The following RASA1 variants were observed in gnomAD, a reference collection of about 807,000 sequenced individuals.
The protein encoded by RASA1 is ras GTPase-activating protein 1.
Under a neutral mutation model 132.2 loss-of-function variants are expected in RASA1, and 25 were observed. The ratio of observed to expected loss-of-function variants is 0.19; its 90% CI spans 0.14 to 0.26. The LOEUF is 0.26. Ranked by LOEUF, RASA1 falls within the 10% of genes least tolerant of loss-of-function variation. The probability of loss-of-function intolerance (pLI) is 1.00; values close to 1 mark genes in which losing one functional copy is unlikely to be tolerated. For synonymous variants in RASA1, 477 were observed against 449.9 expected (o/e 1.06, Z -0.76); for missense variants, 964 against 1,299.2 (o/e 0.74, Z 3.97).
intron 12 of RASA1, 38 bp downstream of exon 12, chr5:87,369,938 T>C (rs199670894): frequency 2.0e-6 from 3 of 1,493,392 alleles, no homozygotes; most frequent in East Asian, 2.3e-5. Flanking sequence ...TATACTTTTA[T>C]GTTAGCCCAT....
chr5:87,322,950 G>A (rs1756937671), intron 1 of RASA1, among the ~76,000 whole-genome samples: 1 of 152,124 alleles, frequency 6.6e-6, no homozygotes, highest in Non-Finnish European at 1.5e-5. Flanking sequence ...GGAGATATTT[G>A]CTAATTTTTT....
chr5:87,377,433 C>T (rs559595300), intron 17 of RASA1, among the ~76,000 whole-genome samples: 6 of 152,232 alleles, frequency 3.9e-5, no homozygotes, highest in African/African-American at 1.2e-4. Context: ...CAGGTTCAAG[C>T]GATTCTCCTG....
chr5:87,353,318 C>A, intron 9 of RASA1, 83 bp downstream of exon 9: 2 of 1,092,930 alleles, frequency 1.8e-6, no homozygotes, highest in Non-Finnish European at 2.8e-6. Flanking sequence ...CACATTTGTA[C>A]AATTCAAATT....
Position 87,326,554 on chromosome 5 carries a change from G to A in RASA1, c.540-4794G>A, listed in dbSNP as rs186520028. ...TCCCCATCTTCCTTAGAGAGGCAAAGAAGAAGAGAGAGGGAGATTTACTTT... is the reference window on the plus strand; with the variant it reads ...TCCCCATCTTCCTTAGAGAGGCAAAAAAGAAGAGAGAGGGAGATTTACTTT... On this transcript the variant is annotated intron_variant, in intron 1 of 24. Coordinates refer to ENST00000274376, the MANE Select transcript of RASA1 (RefSeq NM_002890.3). Among the ~76,000 whole-genome samples the A allele has an allele frequency of 2.6e-4, 39 of 152,272 alleles. No individual in the cohort carries two copies. In the East Asian group the frequency reaches 7.3e-3, roughly 29 times the overall value.
At chr5:87,389,347 A>G (rs540045329) in intron 23 of RASA1, 46 bp from the exon 24 acceptor site, 9 of 1,611,424 alleles carry the variant, frequency 5.6e-6, no homozygotes, top group Non-Finnish European at 7.6e-6. Context: ...AAACAAAAAA[A>G]AAGAAGATTT....
chr5:87,268,987 A>G lies in RASA1; in HGVS notation c.536A>G (p.Asn179Ser). 1 of 1,614,194 alleles carries G rather than the reference A, an allele frequency of 6.2e-7. No homozygotes were observed. The highest frequency in any genetic ancestry group is 8.5e-7 in the Non-Finnish European group (1 of 1,180,034). Residue 179 changes from asparagine (N) to serine (S), a missense_variant, in exon 1 of 25, where the codon AAC becomes AGC. By Grantham distance (46) the Asn-to-Ser change is conservative. Coordinates refer to ENST00000274376, the MANE Select transcript of RASA1 (RefSeq NM_002890.3). ...VAIPLTAPPT[N>S]QWYHGKLDRT... ...ATACCGTTGACCGCTCCTCCAACTA[A>G]CCAGTAAGTTAAGACTGCTGTTCAG...
At chr5:87,369,942 A>T (rs767867506) in intron 12 of RASA1, 42 bp downstream of exon 12, 3 of 1,494,234 alleles carry the variant, frequency 2.0e-6, no homozygotes, top group East Asian at 4.5e-5. Flanking sequence ...CTTTTATGTT[A>T]GCCCATGTTT....
At chr5:87,322,439 T>G (rs752877116) in intron 1 of RASA1, among the ~76,000 whole-genome samples, 2 of 152,220 alleles carry the variant, frequency 1.3e-5, no homozygotes, top group African/African-American at 2.4e-5. Context: ...TGAAATCATC[T>G]TCCCTGACCC....
rs536823135 is a variant in RASA1 at position 87,376,375 on chromosome 5, C to G, written c.2012-18C>G. ...GTGTTCTCTTTTTAAACAATAATTG[C>G]TTGTTTTTCTTCCCAAGTATTTATG... On this transcript the variant is annotated intron_variant, in intron 15 of 24. Coordinates refer to ENST00000274376, the MANE Select transcript of RASA1 (RefSeq NM_002890.3). The G allele has an allele frequency of 6.2e-7, 1 of 1,613,328 alleles. No homozygotes were observed. The highest frequency in any genetic ancestry group is 1.3e-5 in the African/African-American group (1 of 75,010).
chr5:87,361,307 A>C (rs1046406083), intron 9 of RASA1, among the ~76,000 whole-genome samples: 5 of 152,114 alleles, frequency 3.3e-5, no homozygotes, highest in African/African-American at 9.7e-5. Flanking sequence ...TCATTCTTCT[A>C]TTTTCTTATT....
intron 9 of RASA1, among the ~76,000 whole-genome samples, chr5:87,360,817 T>G (rs1329469839): frequency 1.3e-5 from 2 of 152,138 alleles, no homozygotes; most frequent in African/African-American, 2.4e-5. Flanking sequence ...GAGTCTAGAG[T>G]GCTGCTGTTT....
At chr5:87,331,118 A>G in intron 1 of RASA1, 1 of 851,530 alleles carries the variant, frequency 1.2e-6, no homozygotes, top group South Asian at 1.7e-5. Flanking sequence ...AGATTTATAT[A>G]TGAGATGACT....
intron 1 of RASA1, among the ~76,000 whole-genome samples, chr5:87,297,450 C>T (rs1224552728): frequency 6.6e-6 from 1 of 152,194 alleles, no homozygotes; most frequent in Non-Finnish European, 1.5e-5. Context: ...TGAACCTGTG[C>T]TCCTGGACTG....
chr5:87,362,289 G>T (rs2112455296), intron 9 of RASA1, among the ~76,000 whole-genome samples: 1 of 152,244 alleles, frequency 6.6e-6, no homozygotes, highest in South Asian at 2.1e-4. Flanking sequence ...AGCTTATTAG[G>T]TATCCATGGA....
chr5:87,315,247 GAT>G (rs1756237483), intron 1 of RASA1, among the ~76,000 whole-genome samples: 1 of 152,134 alleles, frequency 6.6e-6, no homozygotes, highest in South Asian at 2.1e-4. Flanking sequence ...TACAATTTTG[GAT>G]GCTGGGAAGT....
At chr5:87,314,689 G>A (rs1040892253) in intron 1 of RASA1, among the ~76,000 whole-genome samples, 3 of 152,058 alleles carry the variant, frequency 2.0e-5, no homozygotes, top group Non-Finnish European at 1.5e-5. Flanking sequence ...AGAAACAGGA[G>A]AGAGAGGAGA....
intron 1 of RASA1, among the ~76,000 whole-genome samples, chr5:87,328,619 T>C (rs937784792): frequency 1.2e-4 from 18 of 152,132 alleles, no homozygotes; most frequent in African/African-American, 4.3e-4. Flanking sequence ...ATAAAAAGAA[T>C]TACAGACTTC....
At chr5:87,349,510 C>A in intron 8 of RASA1, 146 bp downstream of exon 8, 1 of 943,410 alleles carries the variant, frequency 1.1e-6, no homozygotes, top group Non-Finnish European at 1.6e-6. Context: ...GTAGTCATGC[C>A]CAAGAATTCT....
chr5:87,292,999 GTTTT>G (rs981235218), intron 1 of RASA1, among the ~76,000 whole-genome samples: 1 of 152,050 alleles, frequency 6.6e-6, no homozygotes, highest in African/African-American at 2.4e-5. Flanking sequence ...GTTCCATGAG[GTTTT>G]TTGTCAGTTC....
Sources: allele counts gnomAD v4.1 joint callset (sites outside exome capture counted in the v4.1 genomes callset), GRCh38; gene constraint gnomAD v4.1.1; transcripts MANE v1.5; gene names NCBI Gene and HGNC (gene_info 2026-07-23, HGNC 2026-07-21).